Variants in SECISBP2L observed in about 807,000 individuals in gnomAD.
SECISBP2L encodes selenocysteine insertion sequence-binding protein 2-like.
Under a neutral mutation model 114.7 loss-of-function variants are expected in SECISBP2L, and 43 were observed. That is an observed-to-expected ratio of 0.38 (90% CI 0.29 to 0.48). SECISBP2L has a LOEUF of 0.48. SECISBP2L is among the 20% of genes least tolerant of loss of function. The pLI, the probability that SECISBP2L is intolerant of heterozygous loss-of-function variation, is 0.98. For synonymous variants in SECISBP2L, 451 were observed against 439.7 expected, an observed-to-expected ratio of 1.03 and a Z score of -0.32; for missense variants, 1,136 against 1,301.1, an observed-to-expected ratio of 0.87 and a Z score of 1.95.
chr15:49,012,497 G>T, intron 12 of SECISBP2L, 151 bp downstream of exon 12: 1 of 754,424 alleles, frequency 1.3e-6, no homozygotes, highest in Non-Finnish European at 2.2e-6. Context: ...GATATCCTGA[G>T]CTTCAAATTA....
intron 9 of SECISBP2L, among the ~76,000 whole-genome samples, chr15:49,017,290 A>G (rs1902556165): frequency 6.6e-6 from 1 of 152,200 alleles, no homozygotes; most frequent in Non-Finnish European, 1.5e-5. Flanking sequence ...CAGTTGGGAA[A>G]ATTTCAGTAC....
At chr15:49,039,448 T>A (rs1566863817) in intron 1 of SECISBP2L, among the ~76,000 whole-genome samples, 1 of 151,244 alleles carries the variant, frequency 6.6e-6, no homozygotes, top group Non-Finnish European at 1.5e-5. Flanking sequence ...AGTTCACACA[T>A]ACATGCATAA....
chr15:49,008,814 G>C (rs185977018), intron 14 of SECISBP2L, among the ~76,000 whole-genome samples: 1 of 152,212 alleles, frequency 6.6e-6, no homozygotes, highest in Non-Finnish European at 1.5e-5. Flanking sequence ...TATGTAATAG[G>C]TTCACTTCAT....
Position 49,009,258 on chromosome 15 carries a change from G to A in SECISBP2L, c.1985C>T (p.Ala662Val), listed in dbSNP as rs767988023. ...GTGGATTTTGGTTATTGTTGAAGATGCCATTGGACTGCCTATTCCAGAACT... is the reference window on the plus strand; with the variant it reads ...GTGGATTTTGGTTATTGTTGAAGATACCATTGGACTGCCTATTCCAGAACT... ...PASSGIGSPM[A>V]SSTITKIHSK... The change falls in exon 14 of 18, where the codon GCA becomes GTA. Residue 662 changes from alanine to valine, a missense_variant. By Grantham distance (64) the Ala-to-Val change is moderately conservative (BLOSUM62 0). Around this residue, in one of 2 missense-constraint regions of SECISBP2L, gnomAD observed 684 missense variants for 848.7 expected, o/e 0.81. Transcript: ENST00000559471. 1 of 1,614,102 alleles carries A rather than the reference G, an allele frequency of 6.2e-7. No individual in the cohort carries two copies. The highest frequency in any genetic ancestry group is 1.7e-5 in the Admixed American group (1 of 60,012).
At chr15:48,996,657 T>C (rs1265325979) in intron 16 of SECISBP2L, 71 bp from the exon 17 acceptor site, 2 of 1,337,024 alleles carry the variant, frequency 1.5e-6, no homozygotes, top group African/African-American at 1.6e-5. Context: ...GGATAATAAA[T>C]ATCTCTACTG....
chr15:49,039,603 T>C (rs1246661196), intron 1 of SECISBP2L, among the ~76,000 whole-genome samples: 3 of 151,176 alleles, frequency 2.0e-5, no homozygotes, highest in Non-Finnish European at 4.4e-5. Flanking sequence ...GGTGTCATCA[T>C]GGCTCATTGC....
chr15:49,035,513 C>A lies in SECISBP2L; in HGVS notation c.349G>T (p.Ala117Ser), dbSNP rs960425731. The A allele has an allele frequency of 1.9e-6, 3 of 1,614,154 alleles. No individual in the cohort carries two copies. The highest frequency in any genetic ancestry group is 1.7e-5 in the Admixed American group (1 of 60,022). The change falls in exon 3 of 18, where the codon GCC becomes TCC. Residue 117 changes from alanine to serine, a missense_variant. By Grantham distance (99) the Ala-to-Ser change is moderately conservative. Coordinates refer to ENST00000559471, the MANE Select transcript of SECISBP2L (RefSeq NM_001193489.2). ...GGATGATAGAAACCCATAACCTGGGCACATGGTGCTGGCATCAGCTGATAA... is the reference window on the plus strand; with the variant it reads ...GGATGATAGAAACCCATAACCTGGGAACATGGTGCTGGCATCAGCTGATAA... The part of the protein sequence containing the change: ...TYYQLMPAPC[A>S]QVMGFYHPFP...
rs544370752 is a variant in SECISBP2L, at chr15:49,004,315, T to C, written c.2028-3218A>G. On this transcript the variant is annotated intron_variant, in intron 14 of 17. Coordinates refer to ENST00000559471, the MANE Select transcript of SECISBP2L (RefSeq NM_001193489.2). ...CTTTATCATTTTTTATTGTGTCTAT[T>C]TGATTCTTCTCTCTTTTCTATTAGT... Among the ~76,000 whole-genome samples the C allele has an allele frequency of 1.1e-3, 165 of 152,332 alleles. 3 individuals are homozygous for C. In the South Asian group the frequency reaches 0.022, roughly 20 times the overall value.
intron 13 of SECISBP2L, 188 bp downstream of exon 13, chr15:49,011,543 T>C (rs1388977586): frequency 8.2e-6 from 5 of 613,456 alleles, no homozygotes; most frequent in Non-Finnish European, 1.4e-5. Context: ...ATATAATACC[T>C]GTCCCCTTCT....
chr15:48,994,842 G>GA (rs34085482), intron 17 of SECISBP2L, among the ~76,000 whole-genome samples: 3 of 133,050 alleles, frequency 2.3e-5, no homozygotes, highest in Non-Finnish European at 3.3e-5. Context: ...AAGTGCTGGG[G>GA]AAAAAAAAAA....
rs1901988318 is a variant in SECISBP2L at position 48,992,074 on chromosome 15, C to G, written c.*170G>C. 1.8e-6 allele frequency: 1 copy of G among 559,608 alleles called. No individual in the cohort carries two copies. 34.7% of individuals were successfully genotyped at this position (559,608 alleles called of 1,614,324 possible). A position where few individuals can be genotyped will look rare whatever the true frequency, so the allele number is the denominator to read the frequency against. On this transcript the variant is annotated 3_prime_UTR_variant, in exon 18 of 18. Coordinates refer to ENST00000559471, the MANE Select transcript of SECISBP2L (RefSeq NM_001193489.2). ...CAGTTCTTAGAAAGACACTTAGATACTAATTAAAAGCTAAGCTACAGATCA... is the reference window on the plus strand; with the variant it reads ...CAGTTCTTAGAAAGACACTTAGATAGTAATTAAAAGCTAAGCTACAGATCA...
Position 49,012,797 on chromosome 15 carries a change from G to A in SECISBP2L, c.1582C>T (p.His528Tyr), listed in dbSNP as rs766958609. 3.0e-5 allele frequency: 48 copies of A among 1,611,680 alleles called. No homozygotes were observed. The highest frequency in any genetic ancestry group is 4.1e-5 in the Non-Finnish European group (48 of 1,179,424). ...TTTCTATTAGTAGAGTCTTTAGTGTGAAAAGAAGCTGCAGTAACCACTAAA... is the reference window on the plus strand; with the variant it reads ...TTTCTATTAGTAGAGTCTTTAGTGTAAAAAGAAGCTGCAGTAACCACTAAA... Reference protein sequence around the residue: ...SYTVVTAASFHTKDSTNRKPL... With the variant: ...SYTVVTAASFYTKDSTNRKPL... The change falls in exon 12 of 18, where the codon CAC becomes TAC. Residue 528 changes from histidine (H) to tyrosine (Y), a missense_variant. By Grantham distance (83) the His-to-Tyr change is moderately conservative. Around this residue, in one of 2 missense-constraint regions of SECISBP2L, gnomAD observed 684 missense variants for 848.7 expected, o/e 0.81. Coordinates refer to ENST00000559471, the MANE Select transcript of SECISBP2L (RefSeq NM_001193489.2).
At position 49,019,571 on chromosome 15, in the gene SECISBP2L, G is replaced by A; in HGVS notation, c.1036-19C>T. On this transcript the variant is annotated intron_variant, in intron 7 of 17. Transcript: ENST00000559471. ...ATCCAACCTAAGTAAACCCCAGAGG[G>A]GAAAAAAAATCTAATTATTTTTAAA... 2 of 1,427,330 alleles carry A rather than the reference G, an allele frequency of 1.4e-6. No individual in the cohort carries two copies. The highest frequency in any genetic ancestry group is 1.8e-6 in the Non-Finnish European group (2 of 1,101,078). 88.4% of individuals were successfully genotyped at this position (1,427,330 alleles called of 1,614,324 possible).
intron 7 of SECISBP2L, among the ~76,000 whole-genome samples, chr15:49,021,580 C>T (rs1045184766): frequency 3.3e-5 from 5 of 152,142 alleles, no homozygotes; most frequent in African/African-American, 4.8e-5. Context: ...GGTACACAGG[C>T]CTTGGATTCT....
At chr15:48,993,100 A>AGAGAGTGAGT (rs772299775) in intron 17 of SECISBP2L, among the ~76,000 whole-genome samples, 174 bp from the exon 18 acceptor site, 4 of 139,130 alleles carry the variant, frequency 2.9e-5, no homozygotes, top group Non-Finnish European at 6.2e-5. Context: ...ACAGAGAGAG[A>AGAGAGTGAGT]GTGTGTGTGT....
chr15:49,032,858 A>C (rs1245754779), intron 4 of SECISBP2L, 107 bp downstream of exon 4: 1 of 1,359,166 alleles, frequency 7.4e-7, no homozygotes, highest in Non-Finnish European at 1.0e-6. Flanking sequence ...GACAAATGAA[A>C]GGATGAAAGT....
At chr15:49,015,047 T>C (rs926732074) in intron 11 of SECISBP2L, among the ~76,000 whole-genome samples, 1 of 152,112 alleles carries the variant, frequency 6.6e-6, no homozygotes. Flanking sequence ...ACCCAGATAC[T>C]CTATAAGCAC....
At chr15:49,017,370 G>C (rs1438665849) in intron 9 of SECISBP2L, among the ~76,000 whole-genome samples, 178 bp downstream of exon 9, 1 of 152,034 alleles carries the variant, frequency 6.6e-6, no homozygotes, top group Non-Finnish European at 1.5e-5. Context: ...GATTTCATAG[G>C]GTATTATCTT....
intron 1 of SECISBP2L, among the ~76,000 whole-genome samples, chr15:49,039,739 A>G (rs1351820967): frequency 6.6e-6 from 1 of 151,900 alleles, no homozygotes; most frequent in African/African-American, 2.4e-5. Flanking sequence ...CACGTTTCCC[A>G]GGCTGGTCTT....
Sources: allele counts gnomAD v4.1 joint callset (sites outside exome capture counted in the v4.1 genomes callset), GRCh38; gene constraint gnomAD v4.1.1; regional missense constraint gnomAD v4.1.1; transcripts MANE v1.5; gene names NCBI Gene and HGNC (gene_info 2026-07-23, HGNC 2026-07-21).